DDHD1: variants seen among roughly 807,000 people sequenced by gnomAD.
DDHD1 encodes DDHD domain containing 1, also known as phospholipase DDHD1.
DDHD1 carries 49 observed loss-of-function variants against 96.4 expected under a neutral mutation model. That is an observed-to-expected ratio of 0.51 (90% CI 0.40 to 0.64). The LOEUF is 0.64. Among genes scored for constraint, DDHD1 ranks in the 30% least tolerant of loss-of-function variants. DDHD1 has a pLI of 0.00. For synonymous variants in DDHD1, 442 were observed against 446.5 expected (o/e 0.99, Z 0.13); for missense variants, 1,106 against 1,161.2 (o/e 0.95, Z 0.69).
At position 53,039,569 on chromosome 14, in the gene DDHD1, T is replaced by C. The variant is rs1413880234; in HGVS notation, c.*7199A>G. 6.6e-6 allele frequency: 1 copy of C among 152,274 alleles called. No homozygotes were observed. Among genetic ancestry groups the C allele is most frequent in the African/African-American group, 2.4e-5 (1 of 41,442 alleles). 9.4% of individuals were successfully genotyped at this position (152,274 alleles called of 1,614,324 possible). A position where few individuals can be genotyped will look rare whatever the true frequency, so the allele number is the denominator to read the frequency against. On this transcript the variant is annotated 3_prime_UTR_variant, in exon 13 of 13. Transcript: ENST00000673822. ...AAAGGATTCAAGACATGGAATTGGC[T>C]AGGAGAGGATCCAAAAGGAGGGGAA...
At chr14:53,149,992 T>C (rs1891236280) in intron 1 of DDHD1, 1 of 152,208 alleles carries the variant, frequency 6.6e-6, no homozygotes, top group African/African-American at 2.4e-5. Context: ...CCCTGTCTCT[T>C]TTCCAGCTAT....
At chr14:53,048,338 G>GTT (rs34204835) in intron 12 of DDHD1, among the ~76,000 whole-genome samples, 68 of 130,430 alleles carry the variant, frequency 5.2e-4, no homozygotes, top group Non-Finnish European at 5.8e-4. Context: ...TTTTTGGGCT[G>GTT]TTTTTTTTTT....
chr14:53,075,948 G>C (rs4898780), intron 4 of DDHD1, among the ~76,000 whole-genome samples: 8 of 151,836 alleles, frequency 5.3e-5, no homozygotes, highest in East Asian at 1.9e-4. Flanking sequence ...AAAAAAAAAC[G>C]ATTCCTTTCA....
chr14:53,053,783 A>G (rs1882811154), intron 11 of DDHD1: 2 of 152,170 alleles, frequency 1.3e-5, no homozygotes, highest in African/African-American at 2.4e-5. Flanking sequence ...AATAATGTTC[A>G]AGTTCAGACT....
intron 1 of DDHD1, among the ~76,000 whole-genome samples, chr14:53,129,189 C>G (rs1345612733): frequency 6.6e-6 from 1 of 152,190 alleles, no homozygotes; most frequent in Admixed American, 6.5e-5. Flanking sequence ...GTGCCGAAGA[C>G]CCGGGACAGG....
intron 1 of DDHD1, among the ~76,000 whole-genome samples, chr14:53,118,336 C>T (rs764600891): frequency 1.3e-5 from 2 of 152,166 alleles, no homozygotes; most frequent in Non-Finnish European, 2.9e-5. Flanking sequence ...CAGAAGTAGG[C>T]TTCAGGTCGG....
At chr14:53,139,355 A>AAC (rs1890473076) in intron 1 of DDHD1, among the ~76,000 whole-genome samples, 1 of 152,202 alleles carries the variant, frequency 6.6e-6, no homozygotes, top group African/African-American at 2.4e-5. Flanking sequence ...AAGCATGAAG[A>AAC]ACCTTCTTGA....
chr14:53,120,605 G>A (rs1336353773), intron 1 of DDHD1, among the ~76,000 whole-genome samples: 5 of 152,218 alleles, frequency 3.3e-5, no homozygotes, highest in African/African-American at 1.2e-4. Context: ...CAAATATACA[G>A]ACTAATAGAA....
intron 4 of DDHD1, among the ~76,000 whole-genome samples, chr14:53,087,368 G>C (rs1459815949): frequency 2.0e-5 from 3 of 152,094 alleles, no homozygotes; most frequent in African/African-American, 7.2e-5. Context: ...ATTCTTCTCA[G>C]CATCACATCA....
chr14:53,071,221 C>G (rs143437910), intron 6 of DDHD1, among the ~76,000 whole-genome samples: 135 of 152,140 alleles, frequency 8.9e-4, no homozygotes, highest in Non-Finnish European at 1.7e-3. Flanking sequence ...ATCTCTACAG[C>G]CCATATACAA....
chr14:53,088,715 T>C (rs2031891740), intron 4 of DDHD1, among the ~76,000 whole-genome samples: 1 of 152,202 alleles, frequency 6.6e-6, no homozygotes. Context: ...GCCAATATCA[T>C]ACTGAATGGA....
chr14:53,051,011 G>A (rs996508880), intron 12 of DDHD1, among the ~76,000 whole-genome samples: 2 of 150,020 alleles, frequency 1.3e-5, no homozygotes, highest in South Asian at 2.1e-4. Flanking sequence ...TTCTTAAGGG[G>A]AATTCACTGA....
chr14:53,144,156 A>G (rs1890827717), intron 1 of DDHD1, among the ~76,000 whole-genome samples: 1 of 152,266 alleles, frequency 6.6e-6, no homozygotes. Context: ...AAACCAGTAA[A>G]TAGGTGAAAG....
intron 4 of DDHD1, among the ~76,000 whole-genome samples, chr14:53,086,808 C>A (rs1595149886): frequency 6.6e-6 from 1 of 152,102 alleles, no homozygotes; most frequent in South Asian, 2.1e-4. Context: ...ACAATATTAA[C>A]CTTAACTGTA....
At chr14:53,099,479 GGTCA>G (rs1452710212) in intron 2 of DDHD1, among the ~76,000 whole-genome samples, 1 of 152,066 alleles carries the variant, frequency 6.6e-6, no homozygotes, top group Non-Finnish European at 1.5e-5. Context: ...GAAGACTGCT[GGTCA>G]GTCAGTTATT....
At chr14:53,101,610 T>C (rs1887302911) in intron 2 of DDHD1, among the ~76,000 whole-genome samples, 1 of 151,978 alleles carries the variant, frequency 6.6e-6, no homozygotes, top group Non-Finnish European at 1.5e-5. Flanking sequence ...ACAAAAAATA[T>C]TACGATATCC....
intron 1 of DDHD1, among the ~76,000 whole-genome samples, chr14:53,113,390 C>CAAAAAAAAAA (rs60704615): frequency 8.5e-6 from 1 of 118,264 alleles, no homozygotes; most frequent in African/African-American, 3.9e-5. Context: ...CTGTACAAGC[C>CAAAAAAAAAA]AAAAAAAAAA....
chr14:53,124,117 T>C (rs1052214726), intron 1 of DDHD1, among the ~76,000 whole-genome samples: 2 of 151,624 alleles, frequency 1.3e-5, no homozygotes, highest in Non-Finnish European at 2.9e-5. Context: ...CGGCTTTAAT[T>C]CCAGCTACTC....
At chr14:53,072,477 T>C (rs1431493652) in intron 6 of DDHD1, 120 bp downstream of exon 6, 2 of 479,032 alleles carry the variant, frequency 4.2e-6, no homozygotes, top group South Asian at 6.2e-5. Context: ...AGGCTATTTA[T>C]AGATTAATGA....
Sources: allele counts gnomAD v4.1 joint callset (sites outside exome capture counted in the v4.1 genomes callset), GRCh38; gene constraint gnomAD v4.1.1; transcripts MANE v1.5; gene names NCBI Gene and HGNC (gene_info 2026-07-23, HGNC 2026-07-21).